The following CRACR2A variants were observed in gnomAD, a reference collection of about 807,000 sequenced individuals.
CRACR2A encodes calcium release activated channel regulator 2A.
CRACR2A carries 79 observed loss-of-function variants against 90.5 expected under a neutral mutation model. That is an observed-to-expected ratio of 0.87 (90% CI 0.73 to 1.05). CRACR2A has a LOEUF of 1.05. CRACR2A is among the 50% of genes least tolerant of loss of function. The probability of loss-of-function intolerance (pLI) is 0.00; values close to 1 mark genes in which losing one functional copy is unlikely to be tolerated. For missense variants in CRACR2A, 823 were observed against 897.2 expected (o/e 0.92, Z 1.06); for synonymous variants, 338 against 356.7 (o/e 0.95, Z 0.59).
rs544585800 is a variant in CRACR2A at position 3,623,664 on chromosome 12, C to T, written c.1932+3772G>A. On this transcript the variant is annotated intron_variant, in intron 17 of 19. Coordinates refer to ENST00000440314, the MANE Select transcript of CRACR2A (RefSeq NM_001144958.2). ...GAAATTGGGGGTGGGTTGGAAATGC[C>T]GAGTTGGCCGAAAGACTGCCTGCGG... Among the ~76,000 whole-genome samples the T allele has an allele frequency of 3.2e-4, 48 of 152,232 alleles. 1 individual carries two copies. Among genetic ancestry groups the T allele is most frequent in the African/African-American group, 1.1e-3 (44 of 41,556 alleles).
intron 3 of CRACR2A, among the ~76,000 whole-genome samples, chr12:3,700,338 G>T (rs1945816385): frequency 6.6e-6 from 1 of 152,156 alleles, no homozygotes; most frequent in Non-Finnish European, 1.5e-5. Flanking sequence ...ACATAGGAAA[G>T]AAACAAAATG....
chr12:3,620,732 A>C (rs1944114150), intron 17 of CRACR2A, among the ~76,000 whole-genome samples: 1 of 152,158 alleles, frequency 6.6e-6, no homozygotes, highest in Non-Finnish European at 1.5e-5. Context: ...ATTAACTGGA[A>C]CCCTCTAAAA....
intron 3 of CRACR2A, among the ~76,000 whole-genome samples, chr12:3,699,055 G>C (rs1321812019): frequency 6.6e-6 from 1 of 152,112 alleles, no homozygotes; most frequent in African/African-American, 2.4e-5. Flanking sequence ...TATTGAACCT[G>C]ACATCCTCCC....
At chr12:3,707,416 C>A (rs1945943738) in intron 3 of CRACR2A, among the ~76,000 whole-genome samples, 1 of 152,252 alleles carries the variant, frequency 6.6e-6, no homozygotes, top group Non-Finnish European at 1.5e-5. Flanking sequence ...GATTTGAGGT[C>A]TCTGTGAGAT....
chr12:3,669,539 A>C (rs548621499), intron 7 of CRACR2A, among the ~76,000 whole-genome samples: 1 of 152,234 alleles, frequency 6.6e-6, no homozygotes, highest in African/African-American at 2.4e-5. Flanking sequence ...CTCTGTGCAA[A>C]AGGACAAGGG....
chr12:3,712,775 A>G (rs1412124322), intron 3 of CRACR2A, among the ~76,000 whole-genome samples: 1 of 152,188 alleles, frequency 6.6e-6, no homozygotes, highest in Non-Finnish European at 1.5e-5. Context: ...GCTGTACACC[A>G]AAGTAAACAC....
chr12:3,629,557 C>T (rs1314976519), intron 15 of CRACR2A, among the ~76,000 whole-genome samples: 3 of 152,230 alleles, frequency 2.0e-5, no homozygotes, highest in Non-Finnish European at 4.4e-5. Flanking sequence ...GGACAGAGGC[C>T]TCTGCCTGCT....
At chr12:3,750,406 G>A (rs536933143) in intron 1 of CRACR2A, among the ~76,000 whole-genome samples, 3 of 152,298 alleles carry the variant, frequency 2.0e-5, no homozygotes, top group Admixed American at 6.5e-5. Flanking sequence ...TTCTCCATCC[G>A]TAAAATAGGG....
At chr12:3,621,340 A>G (rs11836023) in intron 17 of CRACR2A, among the ~76,000 whole-genome samples, 1 of 151,552 alleles carries the variant, frequency 6.6e-6, no homozygotes, top group Non-Finnish European at 1.5e-5. Flanking sequence ...GGTCCTATGC[A>G]CCATAAACAG....
intron 8 of CRACR2A, among the ~76,000 whole-genome samples, chr12:3,658,007 C>T (rs920629989): frequency 2.0e-5 from 3 of 152,134 alleles, no homozygotes; most frequent in African/African-American, 7.2e-5. Flanking sequence ...CAGGCAAAAG[C>T]CTTTGTATCT....
intron 12 of CRACR2A, among the ~76,000 whole-genome samples, chr12:3,643,835 T>C (rs1403878371): frequency 1.3e-5 from 1 of 78,102 alleles, no homozygotes; most frequent in Admixed American, 2.4e-4. Flanking sequence ...TATATAAATA[T>C]ATATAATATA....
At chr12:3,656,478 A>G in intron 8 of CRACR2A, 72 bp from the exon 9 acceptor site, 1 of 1,362,168 alleles carries the variant, frequency 7.3e-7, no homozygotes, top group Non-Finnish European at 1.0e-6. Flanking sequence ...TTTTTTTCCC[A>G]CCTTGAACCT....
chr12:3,710,757 C>T (rs542282774), intron 3 of CRACR2A, among the ~76,000 whole-genome samples: 49 of 150,110 alleles, frequency 3.3e-4, no homozygotes, highest in Non-Finnish European at 4.0e-4. Flanking sequence ...TGTGCCACTG[C>T]ACTCCAGCCT....
At chr12:3,693,289 C>T (rs1052004368) in intron 4 of CRACR2A, among the ~76,000 whole-genome samples, 3 of 152,202 alleles carry the variant, frequency 2.0e-5, no homozygotes, top group East Asian at 1.9e-4. Context: ...AGCTATGATG[C>T]GGGCCCCCAG....
chr12:3,668,719 G>A (rs1945190095), intron 7 of CRACR2A, among the ~76,000 whole-genome samples: 1 of 152,194 alleles, frequency 6.6e-6, no homozygotes, highest in African/African-American at 2.4e-5. Flanking sequence ...TCATAGCTGG[G>A]GCTGCCTGTC....
chr12:3,708,704 C>T (rs1231367837), intron 3 of CRACR2A, among the ~76,000 whole-genome samples: 3 of 152,208 alleles, frequency 2.0e-5, no homozygotes, highest in Admixed American at 6.5e-5. Flanking sequence ...GGATTACAGG[C>T]GTGAGCCATC....
At chr12:3,649,239 G>GATAGATAA (rs1944752288) in intron 10 of CRACR2A, among the ~76,000 whole-genome samples, 1 of 148,996 alleles carries the variant, frequency 6.7e-6, no homozygotes, top group Admixed American at 6.7e-5. Context: ...ACAATAATAA[G>GATAGATAA]ATAAATAAAT....
chr12:3,747,832 C>A lies in CRACR2A; in HGVS notation c.-387+5183G>T, dbSNP rs139206541. Among the ~76,000 whole-genome samples, 192 of 152,318 alleles carry A rather than the reference C, an allele frequency of 1.3e-3. 2 individuals carry two copies. The East Asian group carries it at 0.03, about 24-fold the overall frequency. On this transcript the variant is annotated intron_variant, in intron 1 of 19. Coordinates refer to ENST00000440314, the MANE Select transcript of CRACR2A (RefSeq NM_001144958.2). ...CGTGTGCTACGTCTCACCCTTCTCA[C>A]CTTTCCTCTAACTAAGCCCAGAAGG...
chr12:3,649,070 G>C (rs1179449233), intron 10 of CRACR2A, among the ~76,000 whole-genome samples: 2 of 151,904 alleles, frequency 1.3e-5, no homozygotes, highest in Non-Finnish European at 2.9e-5. Context: ...TCACACACCA[G>C]GGACTGTTGT....
Sources: allele counts gnomAD v4.1 joint callset (sites outside exome capture counted in the v4.1 genomes callset), GRCh38; gene constraint gnomAD v4.1.1; transcripts MANE v1.5; gene names NCBI Gene and HGNC (gene_info 2026-07-23, HGNC 2026-07-21).